Variants in INHBA observed in about 807,000 individuals in gnomAD.
The protein encoded by INHBA is inhibin subunit beta A.
In INHBA, 1 loss-of-function variant was observed where a neutral mutation model predicts 29.0. The observed-to-expected ratio is 0.03, with a 90% CI of 0.01 to 0.16. The LOEUF is 0.16. INHBA is among the 10% of genes least tolerant of loss of function. The probability of loss-of-function intolerance (pLI) is 1.00; values close to 1 mark genes in which losing one functional copy is unlikely to be tolerated. For missense variants in INHBA, 376 were observed against 545.4 expected, an observed-to-expected ratio of 0.69 and a Z score of 3.09; for synonymous variants, 242 against 216.8, an observed-to-expected ratio of 1.12 and a Z score of -1.02.
At chr7:41,698,347 C>T (rs187652473) in intron 2 of INHBA, among the ~76,000 whole-genome samples, 100 of 152,258 alleles carry the variant, frequency 6.6e-4, no homozygotes, top group African/African-American at 2.2e-3. Flanking sequence ...CAACTGGATA[C>T]GAGCTGTCAT....
chr7:41,700,457 G>T lies in INHBA; in HGVS notation c.-83C>A. 9.7e-6 allele frequency: 12 copies of T among 1,233,786 alleles called. No individual in the cohort carries two copies. The highest frequency in any genetic ancestry group is 7.2e-5 in the South Asian group (3 of 41,480). The allele number at this position is 1,233,786 out of a possible 1,614,324, so 76.4% of individuals were successfully genotyped here. ...CTCACGCGCAGGTTTTTTTGTGTGT[G>T]TGGATTTTTTTATTTTTTTTTTTGG... On this transcript the variant is annotated 5_prime_UTR_variant, in exon 2 of 3. Coordinates refer to ENST00000242208, the MANE Select transcript of INHBA (RefSeq NM_002192.4).
At chr7:41,699,940 C>CGG in intron 2 of INHBA, 47 bp downstream of exon 2, 1 of 227,084 alleles carries the variant, frequency 4.4e-6, no homozygotes. Context: ...ATATTTTACC[C>CGG]TCCCACCCCC....
At chr7:41,693,354 G>A (rs1794563997) in intron 2 of INHBA, among the ~76,000 whole-genome samples, 1 of 152,228 alleles carries the variant, frequency 6.6e-6, no homozygotes, top group African/African-American at 2.4e-5. Context: ...TGACCCGCAT[G>A]CAGTGGACTT....
intron 2 of INHBA, among the ~76,000 whole-genome samples, chr7:41,694,608 C>T (rs1794599281): frequency 6.6e-6 from 1 of 152,202 alleles, no homozygotes; most frequent in African/African-American, 2.4e-5. Flanking sequence ...GCTTTGCGAA[C>T]CTTTCATTAC....
At chr7:41,694,428 T>G (rs1026082625) in intron 2 of INHBA, among the ~76,000 whole-genome samples, 1 of 152,224 alleles carries the variant, frequency 6.6e-6, no homozygotes, top group African/African-American at 2.4e-5. Flanking sequence ...AAGGCTGGGA[T>G]GTTCAGGATC....
At position 41,685,671 on chromosome 7, in the gene INHBA, A is replaced by G. The variant is rs1395621627; in HGVS notation, c.*3979T>C. 2 of 152,126 alleles carry G rather than the reference A, an allele frequency of 1.3e-5. No individual in the cohort carries two copies. The highest frequency in any genetic ancestry group is 2.9e-5 in the Non-Finnish European group (2 of 67,968). 9.4% of individuals were successfully genotyped at this position (152,126 alleles called of 1,614,324 possible). On this transcript the variant is annotated 3_prime_UTR_variant, in exon 3 of 3. Transcript: ENST00000242208. Reference sequence around the variant, plus strand: ...TTAAATAGAGGGTAAAACCCTTTGGAAATTAATACAGAAGAAATGATTCAC... The same window carrying G: ...TTAAATAGAGGGTAAAACCCTTTGGGAATTAATACAGAAGAAATGATTCAC...
chr7:41,701,173 G>T (rs926731680), intron 1 of INHBA, among the ~76,000 whole-genome samples: 1 of 151,966 alleles, frequency 6.6e-6, no homozygotes, highest in African/African-American at 2.4e-5. Context: ...CAAACACAGT[G>T]TCTCAATCAA....
Position 41,690,527 on chromosome 7 carries a change from G to T in INHBA, c.404C>A (p.Thr135Lys). The change falls in exon 3 of 3, where the codon ACG (threonine) becomes AAG (lysine). Residue 135 changes from threonine to lysine, a missense_variant. By Grantham distance (78) the Thr-to-Lys change is moderately conservative. Coordinates refer to ENST00000242208, the MANE Select transcript of INHBA (RefSeq NM_002192.4). ...TFAESGTARK[T>K]LHFEISKEGS... ...TTCCTTGGAAATCTCGAAGTGCAGC[G>T]TCTTCCTGGCTGTTCCTGAAGATGA... 1 of 1,603,534 alleles carries T rather than the reference G, an allele frequency of 6.2e-7. No individual in the cohort carries two copies. Among genetic ancestry groups the T allele is most frequent in the Non-Finnish European group, 8.5e-7 (1 of 1,175,732 alleles).
At chr7:41,692,457 T>C (rs1562566868) in intron 2 of INHBA, 1 of 152,238 alleles carries the variant, frequency 6.6e-6, no homozygotes, top group Admixed American at 6.5e-5. Flanking sequence ...TTGCGTACTG[T>C]GGATTCTGTT....
rs746900962 is a variant in INHBA at position 41,690,347 on chromosome 7, A to T, written c.584T>A (p.Val195Glu). The T allele has an allele frequency of 6.2e-7, 1 of 1,613,730 alleles. No homozygotes were observed. The highest frequency in any genetic ancestry group is 8.5e-7 in the Non-Finnish European group (1 of 1,179,970). ...TTCACTCCTCTCCCCCTTTAAGCCC[A>T]CTTCCTCGGCCTCTTCCCCTGTGTC... ...SLDTGEEAEE[V>E]GLKGERSELL... The change falls in exon 3 of 3, where the codon GTG becomes GAG. Residue 195 changes from valine (V) to glutamate (E), a missense_variant. Val to Glu is a moderately radical substitution (Grantham distance 121). Transcript: ENST00000242208.
chr7:41,690,539 G>C lies in INHBA; in HGVS notation c.392C>G (p.Thr131Arg). Residue 131 changes from threonine to arginine, a missense_variant, in exon 3 of 3, where the codon ACA becomes AGA. Physicochemically the swap from Thr to Arg is moderately conservative, Grantham distance 71 (BLOSUM62 -1). Around this residue, in one of 4 missense-constraint regions of INHBA, gnomAD observed 253 missense variants for 313.4 expected, o/e 0.81. Transcript: ENST00000242208. ...SEIITFAESG[T>R]ARKTLHFEIS... Reference sequence around the variant, plus strand: ...CTCGAAGTGCAGCGTCTTCCTGGCTGTTCCTGAAGATGAAAGACAGCATAA... The same window carrying C: ...CTCGAAGTGCAGCGTCTTCCTGGCTCTTCCTGAAGATGAAAGACAGCATAA... 1 of 1,591,578 alleles carries C rather than the reference G, an allele frequency of 6.3e-7. No homozygotes were observed. Among genetic ancestry groups the C allele is most frequent in the Non-Finnish European group, 8.5e-7 (1 of 1,171,180 alleles).
chr7:41,703,874 A>G (rs1394772855), upstream of INHBA, among the ~76,000 whole-genome samples: 1 of 152,190 alleles, frequency 6.6e-6, no homozygotes, highest in Non-Finnish European at 1.5e-5. Flanking sequence ...ATTGTTACAA[A>G]TATAACAGCA....
At chr7:41,697,499 A>G (rs912293250) in intron 2 of INHBA, among the ~76,000 whole-genome samples, 6 of 152,176 alleles carry the variant, frequency 3.9e-5, no homozygotes, top group African/African-American at 1.4e-4. Context: ...TCCAACAATC[A>G]AGGAGAGAAA....
chr7:41,691,831 G>C (rs1003893132), intron 2 of INHBA: 1 of 152,088 alleles, frequency 6.6e-6, no homozygotes, highest in African/African-American at 2.4e-5. Flanking sequence ...AAATAGAGGC[G>C]TCCTTAGCAT....
At chr7:41,701,774 G>A (rs772430680) in intron 1 of INHBA, among the ~76,000 whole-genome samples, 2 of 152,136 alleles carry the variant, frequency 1.3e-5, no homozygotes, top group Non-Finnish European at 2.9e-5. Context: ...AAATATATTG[G>A]CAAATTATTT....
At position 41,688,344 on chromosome 7, in the gene INHBA, T is replaced by C. The variant is rs1437527895; in HGVS notation, c.*1306A>G. On this transcript the variant is annotated 3_prime_UTR_variant, in exon 3 of 3. Transcript: ENST00000242208. ...TGTACATCCAGTATGAAATGTCCTGTTTCATGGATGTAAAAGGAGTCAAAA... is the reference window on the plus strand; with the variant it reads ...TGTACATCCAGTATGAAATGTCCTGCTTCATGGATGTAAAAGGAGTCAAAA... 1.3e-5 allele frequency: 2 copies of C among 152,144 alleles called. No individual in the cohort carries two copies. The highest frequency in any genetic ancestry group is 2.9e-5 in the Non-Finnish European group (2 of 68,018). The allele number at this position is 152,144 out of a possible 1,614,324, so 9.4% of individuals were successfully genotyped here.
chr7:41,697,756 T>C (rs1485431076), intron 2 of INHBA, among the ~76,000 whole-genome samples: 4 of 152,250 alleles, frequency 2.6e-5, no homozygotes, highest in Admixed American at 2.6e-4. Flanking sequence ...TTTCTATTCA[T>C]GTTCATATAT....
At chr7:41,693,222 C>T (rs1794560590) in intron 2 of INHBA, among the ~76,000 whole-genome samples, 1 of 152,002 alleles carries the variant, frequency 6.6e-6, no homozygotes, top group Non-Finnish European at 1.5e-5. Flanking sequence ...ACTGGAGTGT[C>T]TGACTAGTGC....
At position 41,688,961 on chromosome 7, in the gene INHBA, A is replaced by G. The variant is rs1794439945; in HGVS notation, c.*689T>C. On this transcript the variant is annotated 3_prime_UTR_variant, in exon 3 of 3. Coordinates refer to ENST00000242208, the MANE Select transcript of INHBA (RefSeq NM_002192.4). ...GGTATTCTTTTTTCCTTGATCTTTC[A>G]TTCTTTCCATACTTGTTCTCAATTT... The G allele has an allele frequency of 4.3e-6, 1 of 232,230 alleles. No individual in the cohort carries two copies. Among genetic ancestry groups the G allele is most frequent in the East Asian group, 6.1e-5 (1 of 16,478 alleles). 14.4% of individuals were successfully genotyped at this position (232,230 alleles called of 1,614,324 possible).
Sources: allele counts gnomAD v4.1 joint callset (sites outside exome capture counted in the v4.1 genomes callset), GRCh38; gene constraint gnomAD v4.1.1; regional missense constraint gnomAD v4.1.1; transcripts MANE v1.5; gene names NCBI Gene and HGNC (gene_info 2026-07-23, HGNC 2026-07-21).